Variants in RIIAD1 observed in about 807,000 individuals in gnomAD.
RIIAD1 encodes the protein regulatory subunit of type II PKA R-subunit domain containing 1.
Under a neutral mutation model 13.3 loss-of-function variants are expected in RIIAD1, and 15 were observed. That is an observed-to-expected ratio of 1.13 (90% confidence interval 0.76 to 1.74). RIIAD1 has a LOEUF of 1.74. Ranked by LOEUF, RIIAD1 falls within the 40% of genes most tolerant of loss-of-function variation. The pLI is 0.00. For synonymous variants in RIIAD1, 50 were observed against 43.3 expected, an observed-to-expected ratio of 1.16 and a Z score of -0.61; for missense variants, 121 against 112.2, an observed-to-expected ratio of 1.08 and a Z score of -0.35.
intron 2 of RIIAD1, 54 bp from the exon 3 acceptor site, chr1:151,727,521 C>T (rs943721967): frequency 3.3e-6 from 4 of 1,210,738 alleles, no homozygotes; most frequent in African/African-American, 1.5e-5. Flanking sequence ...ACAGTAGCCA[C>T]AGCCTGCGTT....
At chr1:151,714,598 G>A (rs780481965) in intron 4 of RIIAD1, 1 of 1,554,726 alleles carries the variant, frequency 6.4e-7, no homozygotes, top group South Asian at 1.2e-5. Context: ...ACTCACCCCT[G>A]GAAGCGTCTT....
At chr1:151,715,026 C>G (rs1673355416) in intron 4 of RIIAD1, among the ~76,000 whole-genome samples, 1 of 152,078 alleles carries the variant, frequency 6.6e-6, no homozygotes, top group Non-Finnish European at 1.5e-5. Context: ...TCACCTCCAC[C>G]TCCCTCCATC....
upstream of RIIAD1, chr1:151,719,836 A>G (rs1673704476): frequency 1.7e-6 from 1 of 589,878 alleles, no homozygotes; most frequent in African/African-American, 1.9e-5. Flanking sequence ...CAAGAAGATC[A>G]CAGATTGGCA....
At chr1:151,728,524 G>T (rs554213124) in intron 3 of RIIAD1, 2 of 497,588 alleles carry the variant, frequency 4.0e-6, no homozygotes, top group East Asian at 3.7e-5. Flanking sequence ...CAGCGTGGAG[G>T]GGAGGCAGCC....
chr1:151,716,456 C>A, intron 4 of RIIAD1: 2 of 304,726 alleles, frequency 6.6e-6, no homozygotes, highest in South Asian at 5.8e-5. Flanking sequence ...GGTTAAGGGG[C>A]CTGCTATGGT....
intron 2 of RIIAD1, among the ~76,000 whole-genome samples, chr1:151,725,587 C>T (rs1318015488): frequency 6.6e-6 from 1 of 152,226 alleles, no homozygotes; most frequent in African/African-American, 2.4e-5. Context: ...CAACACCTCA[C>T]ATCCTTTGTG....
At chr1:151,727,428 G>C (rs1255956912) in intron 2 of RIIAD1, 147 bp from the exon 3 acceptor site, 7 of 675,708 alleles carry the variant, frequency 1.0e-5, no homozygotes, top group African/African-American at 1.8e-5. Flanking sequence ...ATGAATGAAA[G>C]GGTCTTTGTC....
intron 2 of RIIAD1, 111 bp downstream of exon 2, chr1:151,722,273 C>G: frequency 1.4e-6 from 1 of 724,102 alleles, no homozygotes; most frequent in Non-Finnish European, 2.4e-6. Context: ...TATTCATTTA[C>G]TTTAACCATA....
chr1:151,712,752 T>C (rs1026733469), intron 2 of RIIAD1, among the ~76,000 whole-genome samples: 1 of 152,202 alleles, frequency 6.6e-6, no homozygotes, highest in African/African-American at 2.4e-5. Flanking sequence ...TGGTAGCACC[T>C]TCTAGATTTT....
At chr1:151,722,940 G>A (rs890407126) in intron 2 of RIIAD1, among the ~76,000 whole-genome samples, 21 of 152,222 alleles carry the variant, frequency 1.4e-4, no homozygotes, top group African/African-American at 4.6e-4. Context: ...TTTTATAAGT[G>A]AGAAAATTTA....
At chr1:151,712,577 C>T (rs1339110250) in intron 2 of RIIAD1, among the ~76,000 whole-genome samples, 1 of 152,220 alleles carries the variant, frequency 6.6e-6, no homozygotes, top group Non-Finnish European at 1.5e-5. Flanking sequence ...CCCACTCCAC[C>T]ACCTCCATGA....
In RIIAD1 at chr1:151,728,784, G is replaced by C; in HGVS notation, c.227G>C (p.Arg76Thr). Reference protein sequence around the residue: ...EFAADYFTDPRLPNKIHMQLI... With the variant: ...EFAADYFTDPTLPNKIHMQLI... Reference sequence around the variant, plus strand: ...ATCCCAGACTACTTCACGGATCCAAGACTTCCCAACAAGATTCACATGCAG... The same window carrying C: ...ATCCCAGACTACTTCACGGATCCAACACTTCCCAACAAGATTCACATGCAG... The change falls in exon 4 of 5, where the codon AGA (arginine) becomes ACA (threonine). Residue 76 changes from arginine to threonine, a missense_variant. Transcript: ENST00000479191. The C allele has an allele frequency of 6.5e-7, 1 of 1,542,438 alleles. No individual in the cohort carries two copies. The highest frequency in any genetic ancestry group is 8.8e-7 in the Non-Finnish European group (1 of 1,138,806).
At chr1:151,725,340 G>A (rs1029675960) in intron 2 of RIIAD1, among the ~76,000 whole-genome samples, 1 of 151,932 alleles carries the variant, frequency 6.6e-6, no homozygotes, top group African/African-American at 2.4e-5. Flanking sequence ...TCAAACTCCT[G>A]TCCTCGTGAT....
At chr1:151,716,484 A>AG (rs1177061129) in intron 4 of RIIAD1, 1 of 306,072 alleles carries the variant, frequency 3.3e-6, no homozygotes, top group Non-Finnish European at 6.5e-6. Flanking sequence ...AGCGTCAGTA[A>AG]GGGGGGCCCA....
Position 151,721,589 on chromosome 1 carries a change from C to T in RIIAD1, c.53C>T (p.Ala18Val), listed in dbSNP as rs767257182. 4 of 1,311,184 alleles carry T rather than the reference C, an allele frequency of 3.1e-6. No homozygotes were observed. In the South Asian group the frequency reaches 8.1e-5, roughly 26 times the overall value. 81.2% of individuals were successfully genotyped at this position (1,311,184 alleles called of 1,614,324 possible). Residue 18 changes from alanine (A) to valine (V), a missense_variant, in exon 1 of 5, where the codon GCA becomes GTA. Physicochemically the swap from Ala to Val is moderately conservative, Grantham distance 64. Coordinates refer to ENST00000479191, the MANE Select transcript of RIIAD1 (RefSeq NM_001144956.3). ...LQRPDPGALS[A>V]AQLEQLRKFK... ...CGGCCCGACCCCGGGGCGCTTAGCG[C>T]AGCGCAGCTGGAGCAGCTGCGAAAA... is the stretch of plus-strand genomic sequence containing the variant.
intron 3 of RIIAD1, chr1:151,728,282 C>T (rs1673867410): frequency 5.7e-6 from 1 of 175,296 alleles, no homozygotes; most frequent in Non-Finnish European, 1.2e-5. Flanking sequence ...CCTGGCTCTC[C>T]TCTGAGAGGG....
At chr1:151,721,677 G>A in intron 1 of RIIAD1, 57 bp downstream of exon 1, 1 of 1,106,226 alleles carries the variant, frequency 9.0e-7, no homozygotes, top group South Asian at 2.6e-5. Flanking sequence ...CCCCAGGACT[G>A]GGGCCCCAGA....
In RIIAD1 at chr1:151,727,562, TA is replaced by T; in HGVS notation, c.162-11del. 6.5e-7 allele frequency: 1 copy of T among 1,538,570 alleles called. No individual in the cohort carries two copies. The highest frequency in any genetic ancestry group is 8.8e-7 in the Non-Finnish European group (1 of 1,135,052). On this transcript the variant is annotated splice_polypyrimidine_tract_variant and intron_variant, in intron 2 of 4. Transcript: ENST00000479191. ...CTACTTTACCTCCCATCCTATCCCTTAATGTTTTCCAGAGAAATATTTTTGA... is the reference window on the plus strand; with the variant it reads ...CTACTTTACCTCCCATCCTATCCCTTATGTTTTCCAGAGAAATATTTTTGA...
At chr1:151,715,908 ACAGT>A (rs1673443081) in intron 4 of RIIAD1, 1 of 1,613,898 alleles carries the variant, frequency 6.2e-7, no homozygotes. Flanking sequence ...GTCCTTGATG[ACAGT>A]CAGCTCAAAG....
Sources: allele counts gnomAD v4.1 joint callset (sites outside exome capture counted in the v4.1 genomes callset), GRCh38; gene constraint gnomAD v4.1.1; transcripts MANE v1.5; gene names NCBI Gene and HGNC (gene_info 2026-07-23, HGNC 2026-07-21).